Variants in RNLS observed in about 807,000 individuals in gnomAD.
The protein encoded by RNLS is renalase.
A neutral mutation model predicts 39.8 loss-of-function variants in RNLS; 39 were observed. The observed-to-expected ratio is 0.98, with a 90% CI of 0.76 to 1.28. RNLS has a LOEUF of 1.28. RNLS is among the 50% of genes most tolerant of loss of function. The pLI, the probability that RNLS is intolerant of heterozygous loss-of-function variation, is 0.00. For missense variants in RNLS, 410 were observed against 413.3 expected (o/e 0.99, Z 0.07); for synonymous variants, 147 against 150.7 (o/e 0.98, Z 0.18).
In RNLS at chr10:88,482,314, C is replaced by T. The variant is rs534808247; in HGVS notation, c.526+90589G>A. ...CACTCAATGTTGTCCCACTGCTCTG[C>T]AAGGCTCTGCTCATTTTCCTTCAGT... On this transcript the variant is annotated intron_variant, in intron 4 of 6. Coordinates refer to ENST00000331772, the MANE Select transcript of RNLS (RefSeq NM_001031709.3). Among the ~76,000 whole-genome samples the T allele has an allele frequency of 8.5e-5, 13 of 152,232 alleles. No homozygotes were observed. In the South Asian group the frequency reaches 2.5e-3, roughly 29 times the overall value.
At chr10:88,335,851 T>C (rs1441270319) in intron 5 of RNLS, among the ~76,000 whole-genome samples, 5 of 152,258 alleles carry the variant, frequency 3.3e-5, no homozygotes, top group African/African-American at 1.2e-4. Flanking sequence ...GGATGATTGT[T>C]ATTCAGTGTT....
intron 6 of RNLS, among the ~76,000 whole-genome samples, chr10:88,297,596 T>C (rs1050108224): frequency 6.6e-6 from 1 of 152,228 alleles, no homozygotes; most frequent in Admixed American, 6.5e-5. Context: ...ATTCAAGAGA[T>C]GTTATCTTTA....
At chr10:88,484,584 CA>C (rs1267842939) in intron 4 of RNLS, among the ~76,000 whole-genome samples, 1 of 151,840 alleles carries the variant, frequency 6.6e-6, no homozygotes, top group African/African-American at 2.4e-5. Context: ...CTAGCTACTA[CA>C]GAAGATTATA....
intron 5 of RNLS, among the ~76,000 whole-genome samples, chr10:88,322,423 G>A (rs376224845): frequency 2.0e-4 from 30 of 152,220 alleles, no homozygotes; most frequent in East Asian, 9.6e-4. Flanking sequence ...CCCATGTGTC[G>A]GGGGTTGGGG....
At chr10:88,369,396 G>A (rs1392307911) in intron 4 of RNLS, among the ~76,000 whole-genome samples, 2 of 152,154 alleles carry the variant, frequency 1.3e-5, no homozygotes, top group African/African-American at 4.8e-5. Flanking sequence ...GACATAGGCA[G>A]GGGATTCTCA....
At chr10:88,208,993 A>T in the RNLS span, among the ~76,000 whole-genome samples, 1 of 152,160 alleles carries the variant, frequency 6.6e-6, no homozygotes, top group Non-Finnish European at 1.5e-5. Flanking sequence ...ACATATACAC[A>T]GAATCAGATA....
At chr10:88,385,188 T>C (rs1461711324) in intron 4 of RNLS, among the ~76,000 whole-genome samples, 1 of 152,128 alleles carries the variant, frequency 6.6e-6, no homozygotes, top group East Asian at 1.9e-4. Context: ...CAAAACTAAA[T>C]AAAAGCAAAA....
At chr10:88,354,581 T>A (rs1848997865) in intron 5 of RNLS, among the ~76,000 whole-genome samples, 1 of 152,198 alleles carries the variant, frequency 6.6e-6, no homozygotes, top group African/African-American at 2.4e-5. Flanking sequence ...TGCCGAGAGA[T>A]CAGCTGTTAG....
At chr10:88,278,924 C>T (rs943302084) in intron 6 of RNLS, among the ~76,000 whole-genome samples, 1 of 152,170 alleles carries the variant, frequency 6.6e-6, no homozygotes, top group South Asian at 2.1e-4. Flanking sequence ...TAGTTAAGTT[C>T]ATTCATTCAT....
intron 3 of RNLS, among the ~76,000 whole-genome samples, chr10:88,580,744 C>A (rs995036546): frequency 6.6e-6 from 1 of 152,078 alleles, no homozygotes; most frequent in African/African-American, 2.4e-5. Flanking sequence ...AAAAACAATG[C>A]ATAAACTCAT....
At chr10:88,460,327 G>A (rs986685746) in intron 4 of RNLS, among the ~76,000 whole-genome samples, 1 of 152,118 alleles carries the variant, frequency 6.6e-6, no homozygotes, top group Non-Finnish European at 1.5e-5. Flanking sequence ...GAAATACAAA[G>A]AGAATAGCTC....
chr10:88,309,476 T>C, intron 6 of RNLS: 1 of 1,289,534 alleles, frequency 7.8e-7, no homozygotes, highest in Non-Finnish European at 1.0e-6. Flanking sequence ...CCAAACAAAA[T>C]CTGTAAGAAA....
intron 4 of RNLS, among the ~76,000 whole-genome samples, chr10:88,527,170 T>C (rs913673058): frequency 4.6e-5 from 7 of 152,140 alleles, no homozygotes; most frequent in African/African-American, 1.7e-4. Context: ...AGTGAAAGTC[T>C]ACAGACATAA....
At chr10:88,215,346 C>T in the RNLS span, among the ~76,000 whole-genome samples, 3,193 of 152,098 alleles carry the variant, frequency 0.021, 43 homozygotes, top group Middle Eastern at 0.037. Flanking sequence ...CTGAACAATT[C>T]GACAAGGCTG....
chr10:88,567,511 A>AATGTTATAGT (rs1164700333), intron 4 of RNLS, among the ~76,000 whole-genome samples: 1 of 152,204 alleles, frequency 6.6e-6, no homozygotes, highest in African/African-American at 2.4e-5. Flanking sequence ...ATTTTTATAA[A>AATGTTATAGT]ATGTTATAGT....
Position 88,569,535 on chromosome 10 carries a change from G to A in RNLS, c.526+3368C>T, listed in dbSNP as rs574245510. Among the ~76,000 whole-genome samples, 14 of 152,168 alleles carry A rather than the reference G, an allele frequency of 9.2e-5. No individual in the cohort carries two copies. In the East Asian group the frequency reaches 1.5e-3, roughly 17 times the overall value. On this transcript the variant is annotated intron_variant, in intron 4 of 6. Transcript: ENST00000331772. ...TACCTGGTAAATAGAAATTCATACA[G>A]AGCAACATACTATTTGAAAATAAGT...
chr10:88,504,763 G>T (rs1845692100), intron 4 of RNLS, among the ~76,000 whole-genome samples: 1 of 151,044 alleles, frequency 6.6e-6, no homozygotes, highest in African/African-American at 2.4e-5. Context: ...CAGTAGTTTT[G>T]TTATTGTTGG....
intron 4 of RNLS, among the ~76,000 whole-genome samples, chr10:88,417,942 T>C (rs1789108786): frequency 6.6e-6 from 1 of 152,214 alleles, no homozygotes; most frequent in African/African-American, 2.4e-5. Context: ...AATTACTCAC[T>C]TTCCCTTTTG....
At chr10:88,178,849 A>G in the RNLS span, among the ~76,000 whole-genome samples, 1 of 152,200 alleles carries the variant, frequency 6.6e-6, no homozygotes, top group Non-Finnish European at 1.5e-5. Context: ...GGCTCCCATT[A>G]GGATTGTTGA....
Sources: allele counts gnomAD v4.1 joint callset (sites outside exome capture counted in the v4.1 genomes callset), GRCh38; gene constraint gnomAD v4.1.1; transcripts MANE v1.5; gene names NCBI Gene and HGNC (gene_info 2026-07-23, HGNC 2026-07-21).